The following PUM2 variants were observed in gnomAD, a reference collection of about 807,000 sequenced individuals.
PUM2 encodes pumilio homolog 2.
A neutral mutation model predicts 124.5 loss-of-function variants in PUM2; 57 were observed. The ratio of observed to expected loss-of-function variants is 0.46; its 90% CI spans 0.37 to 0.57. The LOEUF (loss-of-function observed/expected upper bound fraction) is 0.57, where lower values mean the gene tolerates loss of function less well. Ranked by LOEUF, PUM2 falls within the 20% of genes least tolerant of loss-of-function variation. The pLI is 0.00. For missense variants in PUM2, 1,065 were observed against 1,290.6 expected (o/e 0.83, Z 2.68); for synonymous variants, 460 against 446.1 (o/e 1.03, Z -0.39).
intron 1 of PUM2, among the ~76,000 whole-genome samples, chr2:20,328,912 C>T (rs1684281934): frequency 6.6e-6 from 1 of 152,142 alleles, no homozygotes; most frequent in African/African-American, 2.4e-5. Flanking sequence ...TGGCTCATGC[C>T]TATAATCCCA....
chr2:20,278,478 G>T, intron 13 of PUM2, 105 bp downstream of exon 13: 2 of 983,876 alleles, frequency 2.0e-6, no homozygotes, highest in Non-Finnish European at 1.5e-6. Flanking sequence ...AAGCAATTTG[G>T]CATGTTTTAA....
intron 8 of PUM2, 51 bp from the exon 9 acceptor site, chr2:20,294,569 A>T: frequency 6.5e-7 from 1 of 1,534,196 alleles, no homozygotes; most frequent in Non-Finnish European, 8.8e-7. Context: ...TTTTACATAG[A>T]CATGAGGTTA....
intron 3 of PUM2, among the ~76,000 whole-genome samples, chr2:20,314,112 C>G (rs1680318112): frequency 6.6e-6 from 1 of 152,106 alleles, no homozygotes; most frequent in African/African-American, 2.4e-5. Context: ...TGCCACTGCA[C>G]TCCAGCCTGG....
intron 14 of PUM2, 113 bp downstream of exon 14, chr2:20,263,080 A>G (rs904705227): frequency 3.2e-6 from 3 of 944,380 alleles, no homozygotes; most frequent in Non-Finnish European, 4.7e-6. Context: ...ATTGAATTTT[A>G]GCTCTTAAAA....
chr2:20,262,066 G>C (rs1337045548), intron 14 of PUM2, among the ~76,000 whole-genome samples: 1 of 152,204 alleles, frequency 6.6e-6, no homozygotes, highest in Non-Finnish European at 1.5e-5. Flanking sequence ...CTGTATTCCA[G>C]CCTGGATAAC....
chr2:20,283,674 A>T (rs1390591790), intron 10 of PUM2, among the ~76,000 whole-genome samples, 188 bp from the exon 11 acceptor site: 1 of 152,220 alleles, frequency 6.6e-6, no homozygotes, highest in Non-Finnish European at 1.5e-5. Context: ...AAAGTAATAG[A>T]CTGTCATTAA....
chr2:20,283,777 T>A (rs1672101139), intron 10 of PUM2, among the ~76,000 whole-genome samples: 1 of 151,812 alleles, frequency 6.6e-6, no homozygotes, highest in Non-Finnish European at 1.5e-5. Context: ...AGGGCTGATA[T>A]TAGAAAAAAA....
rs376553692 is a variant in PUM2 at position 20,289,404 on chromosome 2, C to A, written c.1291+1248G>T. On this transcript the variant is annotated intron_variant, in intron 10 of 20. Coordinates refer to ENST00000361078, the MANE Select transcript of PUM2 (RefSeq NM_015317.5). The stretch of plus-strand genomic sequence containing the variant: ...GTGGCCCTCAAAAACTCCCAGCTCA[C>A]TTTTCAGCCCAACGTCCATGTGCCT... Among the ~76,000 whole-genome samples the A allele has an allele frequency of 2.0e-5, 3 of 152,214 alleles. No individual in the cohort carries two copies. The South Asian group carries it at 6.2e-4, about 32-fold the overall frequency.
chr2:20,301,691 G>A (rs964613043), intron 7 of PUM2, among the ~76,000 whole-genome samples: 2 of 151,922 alleles, frequency 1.3e-5, no homozygotes, highest in Admixed American at 6.6e-5. Flanking sequence ...AGGCTCAAGC[G>A]ATCCTCCCAC....
intron 13 of PUM2, among the ~76,000 whole-genome samples, chr2:20,264,779 T>C (rs1441170637): frequency 6.6e-6 from 1 of 152,080 alleles, no homozygotes; most frequent in African/African-American, 2.4e-5. Flanking sequence ...GGATACACTG[T>C]CAGTGCAAAG....
At chr2:20,268,709 TAA>T (rs984093029) in intron 13 of PUM2, among the ~76,000 whole-genome samples, 1 of 152,104 alleles carries the variant, frequency 6.6e-6, no homozygotes, top group African/African-American at 2.4e-5. Context: ...AATGCTGAAA[TAA>T]AAATATAAAA....
chr2:20,311,875 C>T (rs1015700577), intron 4 of PUM2, among the ~76,000 whole-genome samples: 2 of 152,096 alleles, frequency 1.3e-5, no homozygotes, highest in African/African-American at 4.8e-5. Context: ...TTAACTATAG[C>T]GGTGCTGGAA....
intron 20 of PUM2, 76 bp downstream of exon 20, chr2:20,253,746 T>C (rs528815985): frequency 1.3e-5 from 17 of 1,317,672 alleles, no homozygotes; most frequent in Non-Finnish European, 1.7e-5. Context: ...CGGGAGGAAA[T>C]GAAAGCCCAA....
chr2:20,275,170 A>C (rs1381003356), intron 13 of PUM2, among the ~76,000 whole-genome samples: 1 of 151,884 alleles, frequency 6.6e-6, no homozygotes, highest in Non-Finnish European at 1.5e-5. Context: ...AGTTGTTGTC[A>C]ACAGGAGAAC....
intron 1 of PUM2, among the ~76,000 whole-genome samples, chr2:20,343,419 T>TA (rs1270765503): frequency 5.3e-5 from 8 of 151,396 alleles, no homozygotes; most frequent in African/African-American, 1.9e-4. Flanking sequence ...TGCCTCAAAT[T>TA]AAAAAAAAGT....
At position 20,251,123 on chromosome 2, in the gene PUM2, C is replaced by T. The variant is rs1346518699; in HGVS notation, c.*462G>A. The T allele has an allele frequency of 3.3e-5, 5 of 152,494 alleles. No individual in the cohort carries two copies. The highest frequency in any genetic ancestry group is 7.3e-5 in the African/African-American group (3 of 41,356). The allele number at this position is 152,494 out of a possible 1,614,324, so 9.4% of individuals were successfully genotyped here. On this transcript the variant is annotated 3_prime_UTR_variant, in exon 21 of 21. Transcript: ENST00000361078. ...TGTTAATCTGTTATAAAAGGTTTCA[C>T]GCAAAGGAAAAAAATAAGGACTATA...
intron 13 of PUM2, among the ~76,000 whole-genome samples, chr2:20,269,962 ACAT>A (rs1417946108): frequency 6.6e-6 from 1 of 152,178 alleles, no homozygotes; most frequent in African/African-American, 2.4e-5. Context: ...ACTAGTTATG[ACAT>A]CATTTCCATC....
At position 20,346,366 on chromosome 2, in the gene PUM2, C is replaced by A. The variant is rs1454093557; in HGVS notation, c.-19+4231G>T. Among the ~76,000 whole-genome samples the A allele has an allele frequency of 2.6e-5, 4 of 152,302 alleles. No individual in the cohort carries two copies. In the East Asian group the frequency reaches 5.8e-4, roughly 22 times the overall value. ...AATGGAAGATACAAGTAGTTCCAAT[C>A]TGTATACATTTTTGGTATTTATAAA... On this transcript the variant is annotated intron_variant, in intron 1 of 20. Coordinates refer to ENST00000361078, the MANE Select transcript of PUM2 (RefSeq NM_015317.5).
At chr2:20,266,461 A>C (rs1337332039) in intron 13 of PUM2, among the ~76,000 whole-genome samples, 1 of 151,550 alleles carries the variant, frequency 6.6e-6, no homozygotes, top group African/African-American at 2.4e-5. Context: ...GAAACAAAAC[A>C]AAACAACAAC....
Sources: gnomAD v4.1 joint callset for allele counts (sites outside exome capture counted in the v4.1 genomes callset) on GRCh38, gnomAD v4.1.1 for gene constraint, MANE v1.5 for transcripts, NCBI Gene and HGNC (gene_info 2026-07-23, HGNC 2026-07-21) for gene names.